Variants in ABCB9 observed in about 807,000 individuals in gnomAD.
The protein encoded by ABCB9 is ATP binding cassette subfamily B member 9, also known as ABC-type oligopeptide transporter ABCB9.
ABCB9 carries 36 observed loss-of-function variants against 62.0 expected under a neutral mutation model. That is an observed-to-expected ratio of 0.58 (90% CI 0.45 to 0.77). ABCB9 has a LOEUF of 0.77. ABCB9 is among the 30% of genes least tolerant of loss of function. The probability of loss-of-function intolerance (pLI) is 0.00; values close to 1 mark genes in which losing one functional copy is unlikely to be tolerated. For missense variants in ABCB9, 943 were observed against 1,054.7 expected (o/e 0.89, Z 1.47); for synonymous variants, 435 against 461.4 (o/e 0.94, Z 0.73).
downstream of ABCB9, among the ~76,000 whole-genome samples, chr12:122,926,616 T>C (rs2034913798): frequency 2.0e-5 from 3 of 150,860 alleles, no homozygotes; most frequent in Non-Finnish European, 4.4e-5. Flanking sequence ...TAGCTGGGCG[T>C]GGTGGCTCAT....
chr12:122,952,439 T>A (rs2036411596), intron 2 of ABCB9: 1 of 152,178 alleles, frequency 6.6e-6, no homozygotes, highest in Non-Finnish European at 1.5e-5. Context: ...GCTAGCACAG[T>A]CTGGCCTGGC....
At chr12:122,924,776 G>A (rs1213106520), downstream of ABCB9, 9 of 1,534,614 alleles carry the variant, frequency 5.9e-6, no homozygotes, top group South Asian at 1.2e-5. Flanking sequence ...CAAAGCCCTC[G>A]ACTGCAATTA....
intron 7 of ABCB9, among the ~76,000 whole-genome samples, chr12:122,943,419 G>A (rs1290782064): frequency 1.3e-5 from 2 of 152,176 alleles, no homozygotes; most frequent in Non-Finnish European, 2.9e-5. Context: ...CATTTCCGAG[G>A]CACTACGCTG....
chr12:122,955,062 G>A (rs2036552675), intron 2 of ABCB9, among the ~76,000 whole-genome samples: 1 of 152,138 alleles, frequency 6.6e-6, no homozygotes, highest in Non-Finnish European at 1.5e-5. Flanking sequence ...CACCCAAGTA[G>A]CTGCGGTCAC....
chr12:122,941,029 G>A (rs972316319), intron 7 of ABCB9, 34 bp from the exon 8 acceptor site: 3 of 1,536,160 alleles, frequency 2.0e-6, no homozygotes, highest in African/African-American at 1.4e-5. Context: ...CTGTCCCACC[G>A]ATACCCGACT....
At chr12:122,948,961 G>A in intron 4 of ABCB9, 132 bp from the exon 5 acceptor site, 1 of 700,302 alleles carries the variant, frequency 1.4e-6, no homozygotes, top group Non-Finnish European at 2.3e-6. Flanking sequence ...GTTGGGGGGT[G>A]GGGGAGAAGA....
chr12:122,958,125 G>A (rs1285786268), intron 2 of ABCB9, among the ~76,000 whole-genome samples: 4 of 126,006 alleles, frequency 3.2e-5, no homozygotes, highest in South Asian at 2.5e-4. Context: ...AGCCAAGATC[G>A]CACCACTGCA....
chr12:122,960,799 T>C (rs1226121792), intron 1 of ABCB9, among the ~76,000 whole-genome samples: 1 of 150,640 alleles, frequency 6.6e-6, no homozygotes, highest in African/African-American at 2.4e-5. Context: ...ATAATGTGTG[T>C]CTTGTGAGGC....
intron 1 of ABCB9, among the ~76,000 whole-genome samples, chr12:122,963,985 A>G (rs2037042773): frequency 6.6e-6 from 1 of 152,146 alleles, no homozygotes; most frequent in Admixed American, 6.5e-5. Context: ...GGAGCGAGCG[A>G]GTGGGTGAGC....
At chr12:122,934,191 T>C (rs775967259) in intron 10 of ABCB9, among the ~76,000 whole-genome samples, 5 of 152,166 alleles carry the variant, frequency 3.3e-5, no homozygotes, top group Admixed American at 6.6e-5. Flanking sequence ...GAGGTTGCAG[T>C]GAGGCAAGAT....
At position 122,940,203 on chromosome 12, in the gene ABCB9, T is replaced by C. The variant is rs1424083415; in HGVS notation, c.1651A>G (p.Ile551Val). ...TCCAGGGGGTAGAAGTTCTCCAGGATGTTGACACAGGAGCTCTTCCCACTG... is the reference window on the plus strand; with the variant it reads ...TCCAGGGGGTAGAAGTTCTCCAGGACGTTGACACAGGAGCTCTTCCCACTG... The part of the protein sequence containing the change: ...SGSGKSSCVN[I>V]LENFYPLEGG... The change falls in exon 9 of 12, where the codon ATC becomes GTC. Residue 551 changes from isoleucine (I) to valine (V), a missense_variant. By Grantham distance (29) the Ile-to-Val change is conservative. Transcript: ENST00000280560. The surrounding 1 kb of genome is among the most constrained non-coding windows in gnomAD (Gnocchi z 4.8). 1 of 1,613,420 alleles carries C rather than the reference T, an allele frequency of 6.2e-7. No individual in the cohort carries two copies. Among genetic ancestry groups the C allele is most frequent in the African/African-American group, 1.3e-5 (1 of 74,894 alleles).
At chr12:122,973,578 GAAAAAA>G (rs57853191) in intron 1 of ABCB9, among the ~76,000 whole-genome samples, 5 of 50,338 alleles carry the variant, frequency 9.9e-5, no homozygotes, top group African/African-American at 3.6e-4. Context: ...CTCAAAAAAA[GAAAAAA>G]AAAAAAAAAA....
upstream of ABCB9, among the ~76,000 whole-genome samples, chr12:122,970,815 C>G (rs947302852): frequency 1.3e-5 from 2 of 152,156 alleles, no homozygotes; most frequent in Non-Finnish European, 2.9e-5. Context: ...ACCCAGACAA[C>G]AGAATATTAT....
chr12:122,933,945 T>C (rs745618473), intron 10 of ABCB9, among the ~76,000 whole-genome samples: 9 of 152,142 alleles, frequency 5.9e-5, no homozygotes, highest in Non-Finnish European at 1.2e-4. Flanking sequence ...CACAGTACAC[T>C]GTTACTAAAT....
chr12:122,935,870 C>G lies in ABCB9; in HGVS notation c.1744-439G>C, dbSNP rs182905943. Among the ~76,000 whole-genome samples the G allele has an allele frequency of 2.9e-3, 448 of 152,186 alleles. 2 individuals are homozygous for G. The highest frequency in any genetic ancestry group is 0.01 in the African/African-American group (429 of 41,534). On this transcript the variant is annotated intron_variant, in intron 9 of 11. Coordinates refer to ENST00000280560, the MANE Select transcript of ABCB9 (RefSeq NM_019625.4). The stretch of plus-strand genomic sequence containing the variant: ...CTTCTAAGAGAACAATTTAAAGGAG[C>G]TATCATCTCTAGATTCCAGTTTCAG...
At chr12:122,945,923 G>T in intron 6 of ABCB9, 102 bp downstream of exon 6, 1 of 1,019,482 alleles carries the variant, frequency 9.8e-7, no homozygotes, top group Non-Finnish European at 1.4e-6. Flanking sequence ...TTCTCCACCA[G>T]CTTGACACCA....
Position 122,921,061 on chromosome 12 carries a change from A to G in ABCB9, c.2041-18T>C, listed in dbSNP as rs1305967135. 2.6e-6 allele frequency: 4 copies of G among 1,535,162 alleles called. No individual in the cohort carries two copies. In the African/African-American group the frequency reaches 5.5e-5, roughly 21 times the overall value. Reference sequence around the variant, plus strand: ...ATTCAGATCTAAGAAGATAATAAATATGCTTGCTAAATGTCAAAGGAAACA... The same window carrying G: ...ATTCAGATCTAAGAAGATAATAAATGTGCTTGCTAAATGTCAAAGGAAACA... On this transcript the variant is annotated intron_variant, in intron 11 of 11. Transcript: ENST00000344275.
At position 122,944,788 on chromosome 12, in the gene ABCB9, C is replaced by A. The variant is rs2035951642; in HGVS notation, c.1252-269G>T. On this transcript the variant is annotated intron_variant, in intron 6 of 11. Transcript: ENST00000280560. The surrounding 1 kb of genome is among the most constrained non-coding windows in gnomAD (Gnocchi z 4.9). ...TTTGTGAGGTCCTGGCACACACATGCCACCCCCAGGCTCCTCAGCTTGGCC... is the reference window on the plus strand; with the variant it reads ...TTTGTGAGGTCCTGGCACACACATGACACCCCCAGGCTCCTCAGCTTGGCC... 2.8e-6 allele frequency: 1 copy of A among 359,032 alleles called. No homozygotes were observed. The highest frequency in any genetic ancestry group is 2.0e-5 in the African/African-American group (1 of 48,942). 22.2% of individuals were successfully genotyped at this position (359,032 alleles called of 1,614,324 possible). A position where few individuals can be genotyped will look rare whatever the true frequency, so the allele number is the denominator to read the frequency against.
rs1048825762 is a variant in ABCB9 at position 122,940,084 on chromosome 12, A to G, written c.1743+27T>C. ...ACGGTTAGATGCAGAAAGGGCGGAG[A>G]AGTGTGGCCCAGGCCCGTGCACATA... On this transcript the variant is annotated intron_variant, in intron 9 of 11. Coordinates refer to ENST00000280560, the MANE Select transcript of ABCB9 (RefSeq NM_019625.4). The surrounding 1 kb of genome is among the most constrained non-coding windows in gnomAD (Gnocchi z 4.8). 2 of 1,595,480 alleles carry G rather than the reference A, an allele frequency of 1.3e-6. No individual in the cohort carries two copies. The highest frequency in any genetic ancestry group is 1.7e-6 in the Non-Finnish European group (2 of 1,170,460).
Sources: allele counts gnomAD v4.1 joint callset (sites outside exome capture counted in the v4.1 genomes callset), GRCh38; gene constraint gnomAD v4.1.1; non-coding constraint Gnocchi (gnomAD v3.1); transcripts MANE v1.5; gene names NCBI Gene and HGNC (gene_info 2026-07-23, HGNC 2026-07-21).